The following TRAPPC9 variants were observed in gnomAD, a reference collection of about 807,000 sequenced individuals.
TRAPPC9 encodes IKK2 binding protein.
A neutral mutation model predicts 124.0 loss-of-function variants in TRAPPC9; 83 were observed. The observed-to-expected ratio is 0.67, with a 90% CI of 0.56 to 0.80. The LOEUF is 0.80. Among genes scored for constraint, TRAPPC9 ranks in the 30% least tolerant of loss-of-function variants. The pLI is 0.00. For synonymous variants in TRAPPC9, 638 were observed against 617.5 expected (o/e 1.03, Z -0.49); for missense variants, 1,302 against 1,508.3 (o/e 0.86, Z 2.27).
At position 140,144,033 on chromosome 8, in the gene TRAPPC9, T is replaced by C. The variant is rs58258806; in HGVS notation, c.2556+77426A>G. The stretch of plus-strand genomic sequence containing the variant: ...ATCTGATTTGGGGCTTTCTATTCTC[T>C]TTCATTTGTCTATTTGTCAAATAAA... On this transcript the variant is annotated intron_variant, in intron 17 of 22. Transcript: ENST00000438773. Among the ~76,000 whole-genome samples, 619 of 152,354 alleles carry C rather than the reference T, an allele frequency of 4.1e-3. 5 individuals are homozygous for C. The highest frequency in any genetic ancestry group is 0.014 in the African/African-American group (599 of 41,580).
intron 17 of TRAPPC9, among the ~76,000 whole-genome samples, chr8:140,032,477 G>C (rs986077259): frequency 6.7e-6 from 1 of 150,182 alleles, no homozygotes; most frequent in Non-Finnish European, 1.5e-5. Context: ...GTCCACCTTT[G>C]TATGCCTTAT....
chr8:140,332,553 C>T (rs932728668), intron 9 of TRAPPC9, among the ~76,000 whole-genome samples: 9 of 151,936 alleles, frequency 5.9e-5, no homozygotes, highest in Non-Finnish European at 8.8e-5. Context: ...ACATGATATA[C>T]GTGTATCAAA....
At chr8:139,941,287 A>C (rs990940383) in intron 19 of TRAPPC9, among the ~76,000 whole-genome samples, 4 of 152,216 alleles carry the variant, frequency 2.6e-5, no homozygotes, top group Admixed American at 2.0e-4. Flanking sequence ...CCTCACAGGG[A>C]AACAACAGAG....
intron 17 of TRAPPC9, among the ~76,000 whole-genome samples, chr8:140,204,689 C>G: frequency 6.6e-6 from 1 of 152,224 alleles, no homozygotes; most frequent in East Asian, 1.9e-4. Flanking sequence ...ACCAGCTCCC[C>G]CTTTGCCTTC....
intron 21 of TRAPPC9, among the ~76,000 whole-genome samples, chr8:139,791,348 C>T (rs1236359552): frequency 6.6e-6 from 1 of 150,920 alleles, no homozygotes; most frequent in Non-Finnish European, 1.5e-5. Context: ...CTCACACTCA[C>T]ACAGGCGCTC....
At chr8:139,757,232 C>G (rs570081296) in intron 21 of TRAPPC9, among the ~76,000 whole-genome samples, 2 of 123,874 alleles carry the variant, frequency 1.6e-5, no homozygotes, top group African/African-American at 6.6e-5. Context: ...GACAGCATGT[C>G]GCAGGAGGAG....
At chr8:139,900,132 ACAATCCATAAGCTCCCT>A (rs1245188178) in intron 20 of TRAPPC9, among the ~76,000 whole-genome samples, 1 of 152,192 alleles carries the variant, frequency 6.6e-6, no homozygotes, top group Admixed American at 6.5e-5. Flanking sequence ...ACACCCCAGC[ACAATCCATAAGCTCCCT>A]CACAGCTTGC....
intron 21 of TRAPPC9, among the ~76,000 whole-genome samples, chr8:139,823,156 TG>T (rs1202410540): frequency 1.1e-4 from 17 of 152,076 alleles, no homozygotes; most frequent in African/African-American, 3.6e-4. Flanking sequence ...CACATAATTT[TG>T]GGGGGACACA....
chr8:140,034,920 C>A (rs141756933), intron 17 of TRAPPC9, among the ~76,000 whole-genome samples: 2 of 152,252 alleles, frequency 1.3e-5, no homozygotes, highest in Non-Finnish European at 2.9e-5. Flanking sequence ...AAAGCTGGCG[C>A]TGCCCTGAAG....
At chr8:140,022,605 C>A (rs1011426889) in intron 18 of TRAPPC9, among the ~76,000 whole-genome samples, 1 of 152,154 alleles carries the variant, frequency 6.6e-6, no homozygotes, top group African/African-American at 2.4e-5. Flanking sequence ...TGGGCAACGG[C>A]AGCAGGAGAT....
At chr8:139,755,875 A>G (rs868217739) in intron 21 of TRAPPC9, among the ~76,000 whole-genome samples, 1,933 of 21,186 alleles carry the variant, frequency 0.091, no homozygotes, top group Middle Eastern at 0.12. Flanking sequence ...GGTCGCAGGA[A>G]GAGCCAGGGT....
chr8:140,229,119 T>C (rs2063522671), intron 16 of TRAPPC9, among the ~76,000 whole-genome samples: 3 of 152,014 alleles, frequency 2.0e-5, no homozygotes, highest in African/African-American at 4.8e-5. Flanking sequence ...CTAAATATTA[T>C]ATTTCAGGTA....
Position 139,908,258 on chromosome 8 carries a change from C to T in TRAPPC9, c.2964+1889G>A, listed in dbSNP as rs140184342. ...TCCTGCCAGGCCCACCATGCACCTG[C>T]CCCTTCCTCCACTGGTGCTGCTGGC... On this transcript the variant is annotated intron_variant, in intron 20 of 22. Transcript: ENST00000438773. 3.8e-3 allele frequency among the ~76,000 whole-genome samples: 583 copies of T among 152,286 alleles called. 2 individuals are homozygous for T. The highest frequency in any genetic ancestry group is 0.016 in the South Asian group (77 of 4,822).
chr8:140,125,587 C>CTATT (rs2061078250), intron 17 of TRAPPC9, among the ~76,000 whole-genome samples: 1 of 67,814 alleles, frequency 1.5e-5, no homozygotes, highest in Admixed American at 2.3e-4. Flanking sequence ...GAATCTCATT[C>CTATT]TTTTTTTTTT....
In TRAPPC9 at chr8:139,788,036, A is replaced by G. The variant is rs114949055; in HGVS notation, c.3056-55834T>C. Reference sequence around the variant, plus strand: ...GTCCTCCACCACTGCCAACCATGGTACTACAAAGGGCATGGACTCAGAACT... The same window carrying G: ...GTCCTCCACCACTGCCAACCATGGTGCTACAAAGGGCATGGACTCAGAACT... On this transcript the variant is annotated intron_variant, in intron 21 of 22. Coordinates refer to ENST00000438773, the MANE Select transcript of TRAPPC9 (RefSeq NM_001160372.4). The surrounding 1 kb of genome is among the most constrained non-coding windows in gnomAD (Gnocchi z 4.9). Among the ~76,000 whole-genome samples, 1,124 of 152,280 alleles carry G rather than the reference A, an allele frequency of 7.4e-3. 10 individuals carry two copies. The highest frequency in any genetic ancestry group is 0.026 in the African/African-American group (1,076 of 41,550).
Position 140,271,763 on chromosome 8 carries a change from G to A in TRAPPC9, c.2278+3895C>T, listed in dbSNP as rs1056940439. On this transcript the variant is annotated intron_variant, in intron 15 of 22. Transcript: ENST00000438773. Reference sequence around the variant, plus strand: ...AACATGAGTGCAAACACCAAGTAAAGGCAGGTGAAATGAATCTATGCCATT... The same window carrying A: ...AACATGAGTGCAAACACCAAGTAAAAGCAGGTGAAATGAATCTATGCCATT... 5.3e-5 allele frequency among the ~76,000 whole-genome samples: 8 copies of A among 152,216 alleles called. No individual in the cohort carries two copies. The East Asian group carries it at 1.5e-3, about 29-fold the overall frequency.
intron 16 of TRAPPC9, among the ~76,000 whole-genome samples, chr8:140,239,664 C>T (rs2063813869): frequency 6.6e-6 from 1 of 152,218 alleles, no homozygotes; most frequent in Non-Finnish European, 1.5e-5. Flanking sequence ...GTGCACTCCG[C>T]CAGGTCCTCT....
chr8:140,428,347 T>C (rs1422364739), intron 4 of TRAPPC9, among the ~76,000 whole-genome samples: 1 of 152,220 alleles, frequency 6.6e-6, no homozygotes, highest in Non-Finnish European at 1.5e-5. Flanking sequence ...CACAAAATTA[T>C]CAATCAGACC....
rs1186097908 is a variant in TRAPPC9 at position 139,742,552 on chromosome 8, G to A, written c.3056-10350C>T. ...CAATCAGGGACCAGGCAAGTCAGGG[G>A]CCACCAGAGAGGGTCAGGACCCAAA... On this transcript the variant is annotated intron_variant, in intron 21 of 22. Coordinates refer to ENST00000438773, the MANE Select transcript of TRAPPC9 (RefSeq NM_001160372.4). The surrounding 1 kb of genome is among the most constrained non-coding windows in gnomAD (Gnocchi z 4.7). 6.6e-6 allele frequency among the ~76,000 whole-genome samples: 1 copy of A among 152,186 alleles called. No individual in the cohort carries two copies. Among genetic ancestry groups the A allele is most frequent in the Non-Finnish European group, 1.5e-5 (1 of 68,030 alleles).
Sources: allele counts gnomAD v4.1 joint callset (sites outside exome capture counted in the v4.1 genomes callset), GRCh38; gene constraint gnomAD v4.1.1; non-coding constraint Gnocchi (gnomAD v3.1); transcripts MANE v1.5; gene names NCBI Gene and HGNC (gene_info 2026-07-23, HGNC 2026-07-21).